XKR6: variants seen among roughly 807,000 people sequenced by gnomAD.
XKR6 encodes XK-related protein 6.
XKR6 carries 22 observed loss-of-function variants against 56.7 expected under a neutral mutation model. That is an observed-to-expected ratio of 0.39 (90% confidence interval 0.28 to 0.55). XKR6 has a LOEUF of 0.55. Among genes scored for constraint, XKR6 ranks in the 20% least tolerant of loss-of-function variants. XKR6 has a pLI of 0.66. For missense variants in XKR6, 852 were observed against 889.0 expected (o/e 0.96, Z 0.53); for synonymous variants, 524 against 387.8 (o/e 1.35, Z -4.13).
intron 1 of XKR6, among the ~76,000 whole-genome samples, chr8:11,054,029 C>G (rs1276448701): frequency 6.6e-6 from 1 of 152,196 alleles, no homozygotes; most frequent in Non-Finnish European, 1.5e-5. Context: ...TATATTTCCT[C>G]TAACATTATG....
chr8:11,035,877 C>G (rs1369699331), intron 1 of XKR6, among the ~76,000 whole-genome samples: 1 of 151,226 alleles, frequency 6.6e-6, no homozygotes, highest in African/African-American at 2.4e-5. Flanking sequence ...ACATCTAGGG[C>G]TCCCCTTTGT....
chr8:11,083,205 CA>C (rs1797784696), intron 1 of XKR6, among the ~76,000 whole-genome samples: 1 of 152,196 alleles, frequency 6.6e-6, no homozygotes, highest in Non-Finnish European at 1.5e-5. Context: ...CATTATCCAC[CA>C]CACACATGGC....
chr8:11,012,539 C>T (rs114328834), intron 1 of XKR6, among the ~76,000 whole-genome samples: 1,707 of 152,176 alleles, frequency 0.011, 32 homozygotes, highest in African/African-American at 0.039. Flanking sequence ...TCCCTGGCTA[C>T]ATCCCTAGTC....
intron 1 of XKR6, among the ~76,000 whole-genome samples, chr8:11,004,233 G>A (rs903808864): frequency 4.6e-5 from 7 of 152,184 alleles, no homozygotes; most frequent in Admixed American, 2.6e-4. Context: ...CAGCACTTTG[G>A]GAGGCTGAGG....
intron 2 of XKR6, among the ~76,000 whole-genome samples, chr8:10,912,919 C>A (rs1360905323): frequency 1.3e-5 from 2 of 149,142 alleles, no homozygotes; most frequent in African/African-American, 5.0e-5. Context: ...GCGAGTATAT[C>A]TATATGTAGA....
At chr8:11,065,459 T>C (rs937614952) in intron 1 of XKR6, among the ~76,000 whole-genome samples, 6 of 152,254 alleles carry the variant, frequency 3.9e-5, no homozygotes, top group African/African-American at 1.4e-4. Context: ...TATCCTTGGA[T>C]GCAACGTTTC....
chr8:10,927,930 G>A (rs78434335), intron 1 of XKR6, among the ~76,000 whole-genome samples: 71 of 152,318 alleles, frequency 4.7e-4, no homozygotes, highest in African/African-American at 1.5e-3. Flanking sequence ...AGGCACCTCT[G>A]GGACTGTAGT....
intron 1 of XKR6, among the ~76,000 whole-genome samples, chr8:11,166,955 G>C (rs541202151): frequency 5.8e-4 from 89 of 152,298 alleles, no homozygotes; most frequent in Non-Finnish European, 1.0e-3. Flanking sequence ...AAATTGAGGT[G>C]ATTGCCAGGG....
intron 1 of XKR6, among the ~76,000 whole-genome samples, chr8:11,053,356 C>T (rs1442171659): frequency 1.3e-5 from 2 of 152,210 alleles, no homozygotes; most frequent in South Asian, 4.1e-4. Context: ...CCGTGAGCGG[C>T]CTGACTCCCC....
chr8:11,017,475 CTCCAGGGCTGCAAGGTTG>C (rs564446654), intron 1 of XKR6, among the ~76,000 whole-genome samples: 3,495 of 152,360 alleles, frequency 0.023, 124 homozygotes, highest in African/African-American at 0.079. Flanking sequence ...TTGAGCGCAG[CTCCAGGGCTGCAAGGTTG>C]CCTGCAAGTA....
At chr8:11,166,440 G>A (rs772583617) in intron 1 of XKR6, among the ~76,000 whole-genome samples, 4 of 152,096 alleles carry the variant, frequency 2.6e-5, no homozygotes, top group East Asian at 1.9e-4. Context: ...ATAAAGGGCC[G>A]TTGCTTATAG....
chr8:11,048,798 C>T (rs13438929), intron 1 of XKR6, among the ~76,000 whole-genome samples: 28,565 of 152,120 alleles, frequency 0.19, 5,145 homozygotes, highest in African/African-American at 0.47. Flanking sequence ...CCTGGCTCTG[C>T]GTGGTTCTGG....
Position 11,201,082 on chromosome 8 carries a change from G to C in XKR6, c.258C>G (p.Ala86=). The C allele has an allele frequency of 1.5e-6, 2 of 1,341,544 alleles. No individual in the cohort carries two copies. Among genetic ancestry groups the C allele is most frequent in the Non-Finnish European group, 1.9e-6 (2 of 1,047,856 alleles). 83.1% of individuals were successfully genotyped at this position (1,341,544 alleles called of 1,614,324 possible). A position where few individuals can be genotyped will look rare whatever the true frequency, so the allele number is the denominator to read the frequency against. ...GCGGCTGGTCCCCCCCGTCGGCGGC[G>C]GCGCTGCGGCGCGGCTTCCTGCCCA... ...SLLGRKPRRS[A]AADGGDQPLQ... The change falls in exon 1 of 3, where the codon GCC becomes GCG. Residue 86 remains alanine, a synonymous_variant. Coordinates refer to ENST00000416569, the MANE Select transcript of XKR6 (RefSeq NM_173683.4).
intron 1 of XKR6, among the ~76,000 whole-genome samples, chr8:11,056,081 G>C (rs953585561): frequency 6.6e-6 from 1 of 152,120 alleles, no homozygotes; most frequent in Non-Finnish European, 1.5e-5. Context: ...CCCCATAGGA[G>C]GCCGTGGACG....
At chr8:11,128,890 T>G (rs1385336992) in intron 1 of XKR6, 1 of 456,750 alleles carries the variant, frequency 2.2e-6, no homozygotes, top group Non-Finnish European at 4.4e-6. Context: ...CTTGCCTTGG[T>G]CACTGCTAAC....
At chr8:11,000,777 T>C (rs1461329624) in intron 1 of XKR6, among the ~76,000 whole-genome samples, 1 of 152,202 alleles carries the variant, frequency 6.6e-6, no homozygotes, top group Non-Finnish European at 1.5e-5. Context: ...CATCTTCTCA[T>C]GGTGGAGAAG....
chr8:10,910,407 G>A (rs4240672), intron 2 of XKR6, among the ~76,000 whole-genome samples: 72,632 of 151,984 alleles, frequency 0.48, 18,689 homozygotes, highest in African/African-American at 0.62. Context: ...AGGGACCTTC[G>A]GAAGGCCATG....
At chr8:11,090,227 G>A (rs1208576686) in intron 1 of XKR6, among the ~76,000 whole-genome samples, 1 of 152,102 alleles carries the variant, frequency 6.6e-6, no homozygotes, top group Non-Finnish European at 1.5e-5. Flanking sequence ...TGAGACTAGA[G>A]GTGTGCACCA....
chr8:11,192,303 C>T lies in XKR6; in HGVS notation c.764+8273G>A, dbSNP rs550859059. On this transcript the variant is annotated intron_variant, in intron 1 of 2. Coordinates refer to ENST00000416569, the MANE Select transcript of XKR6 (RefSeq NM_173683.4). ...CCTCCTGAGTAGCTGGGACTACAGG[C>T]GCGTGCCACCACGCCCGGCTAATTT... Among the ~76,000 whole-genome samples the T allele has an allele frequency of 4.3e-4, 65 of 152,092 alleles. 3 individuals carry two copies. In the Middle Eastern group the frequency reaches 0.014, roughly 32 times the overall value.
Sources: allele counts gnomAD v4.1 joint callset (sites outside exome capture counted in the v4.1 genomes callset), GRCh38; gene constraint gnomAD v4.1.1; transcripts MANE v1.5; gene names NCBI Gene and HGNC (gene_info 2026-07-23, HGNC 2026-07-21).